The following PLCG2 variants were observed in gnomAD, a reference collection of about 807,000 sequenced individuals.
The protein encoded by PLCG2 is phospholipase C gamma 2.
Under a neutral mutation model 175.6 loss-of-function variants are expected in PLCG2, and 69 were observed. The ratio of observed to expected loss-of-function variants is 0.39; its 90% CI spans 0.32 to 0.48. The LOEUF is 0.48. PLCG2 is among the 20% of genes least tolerant of loss of function. The pLI is 0.91. For missense variants in PLCG2, 1,798 were observed against 1,650.9 expected (o/e 1.09, Z -1.54); for synonymous variants, 827 against 624.0 (o/e 1.33, Z -4.85).
chr16:81,957,051 C>A lies in PLCG2; in HGVS notation c.3755+172C>A, dbSNP rs543348476. Among the ~76,000 whole-genome samples, 11 of 152,096 alleles carry A rather than the reference C, an allele frequency of 7.2e-5. 1 individual carries two copies. In the South Asian group the frequency reaches 1.7e-3, roughly 23 times the overall value. Reference sequence around the variant, plus strand: ...TGGTGGCTCATGCCTGTAATCCCAGCACTTTGGGAGGCTGAGGAGGTTGGA... The same window carrying A: ...TGGTGGCTCATGCCTGTAATCCCAGAACTTTGGGAGGCTGAGGAGGTTGGA... On this transcript the variant is annotated intron_variant, in intron 32 of 32. Transcript: ENST00000564138.
intron 15 of PLCG2, among the ~76,000 whole-genome samples, chr16:81,907,303 G>A (rs543438693): frequency 2.0e-5 from 3 of 151,076 alleles, no homozygotes; most frequent in East Asian, 3.9e-4. Context: ...ATTTCATCGG[G>A]GGAAAAAAAA....
chr16:81,837,821 A>G (rs1905604297), intron 2 of PLCG2, among the ~76,000 whole-genome samples: 1 of 152,060 alleles, frequency 6.6e-6, no homozygotes, highest in Non-Finnish European at 1.5e-5. Context: ...AATTATCCCC[A>G]ATGGTAATAT....
Position 81,957,013 on chromosome 16 carries a change from C to T in PLCG2, c.3755+134C>T, listed in dbSNP as rs553928771. On this transcript the variant is annotated intron_variant, in intron 32 of 32. Transcript: ENST00000564138. ...AAATCCTTGGCCGGGCATGGTGGCTCACAGGCCAGGCATGGTGGCTCATGC... is the reference window on the plus strand; with the variant it reads ...AAATCCTTGGCCGGGCATGGTGGCTTACAGGCCAGGCATGGTGGCTCATGC... The T allele has an allele frequency of 1.1e-3, 614 of 555,814 alleles. 3 individuals are homozygous for T. The East Asian group carries it at 0.015, about 14-fold the overall frequency. The allele number at this position is 555,814 out of a possible 1,614,324, so 34.4% of individuals were successfully genotyped here. A position where few individuals can be genotyped will look rare whatever the true frequency, so the allele number is the denominator to read the frequency against.
intron 9 of PLCG2, among the ~76,000 whole-genome samples, chr16:81,887,374 C>T (rs1908423148): frequency 6.6e-6 from 1 of 152,186 alleles, no homozygotes; most frequent in African/African-American, 2.4e-5. Context: ...CCACCTCGGC[C>T]TCCCAAAGTG....
rs1297246381 is a variant in PLCG2, at chr16:81,782,470, A to C, written c.-48+3046A>C. On this transcript the variant is annotated intron_variant, in intron 1 of 32. Transcript: ENST00000564138. ...TGGCTGGTGCTCTCTCCTGGGCTCA[A>C]GGTCTTGGAGACCTCCCTGCCATAG... Among the ~76,000 whole-genome samples, 6 of 152,302 alleles carry C rather than the reference A, an allele frequency of 3.9e-5. No individual in the cohort carries two copies. The East Asian group carries it at 1.2e-3, about 29-fold the overall frequency.
intron 2 of PLCG2, among the ~76,000 whole-genome samples, chr16:81,800,586 G>T (rs1399896132): frequency 6.6e-6 from 1 of 152,096 alleles, no homozygotes; most frequent in Non-Finnish European, 1.5e-5. Flanking sequence ...TGGTGTATAT[G>T]TACCATATTT....
rs369281824 is a variant in PLCG2 at position 81,900,747 on chromosome 16, G to C, written c.1329G>C (p.Ser443=). 6.2e-7 allele frequency: 1 copy of C among 1,604,596 alleles called. No homozygotes were observed. Among genetic ancestry groups the C allele is most frequent in the Non-Finnish European group, 8.5e-7 (1 of 1,172,086 alleles). The change falls in exon 14 of 33, where the codon TCG becomes TCC. Residue 443 remains serine, a synonymous_variant. Coordinates refer to ENST00000564138, the MANE Select transcript of PLCG2 (RefSeq NM_002661.5). ...AGGCCAGTGCTGACCAGCTGCCCTC[G>C]CCCAGCCAGCTGCGGGAGAAGATCA... ...PTEASADQLP[S]PSQLREKIII... is the part of the protein sequence containing the mutation.
chr16:81,935,590 C>T, intron 26 of PLCG2: 1 of 985,310 alleles, frequency 1.0e-6, no homozygotes, highest in Non-Finnish European at 1.2e-6. Context: ...ACCGGGAGGC[C>T]AGTCCCTAGG....
At chr16:81,868,855 T>C (rs994847103) in intron 5 of PLCG2, among the ~76,000 whole-genome samples, 3 of 152,220 alleles carry the variant, frequency 2.0e-5, no homozygotes, top group African/African-American at 7.2e-5. Context: ...CACCCTATAC[T>C]GGGGATCTCC....
At chr16:81,789,536 A>G (rs1373566684) in intron 2 of PLCG2, among the ~76,000 whole-genome samples, 1 of 152,054 alleles carries the variant, frequency 6.6e-6, no homozygotes, top group Non-Finnish European at 1.5e-5. Flanking sequence ...TGATCCTCCC[A>G]CCTTGGTCTC....
intron 2 of PLCG2, among the ~76,000 whole-genome samples, chr16:81,849,469 C>A (rs1348388145): frequency 6.6e-6 from 1 of 152,112 alleles, no homozygotes; most frequent in Non-Finnish European, 1.5e-5. Flanking sequence ...GTTCAAAGAT[C>A]CCCTCTTGGC....
intron 5 of PLCG2, 191 bp downstream of exon 5, chr16:81,859,354 T>G: frequency 3.7e-6 from 2 of 543,720 alleles, no homozygotes; most frequent in Non-Finnish European, 6.6e-6. Flanking sequence ...GAGCCTCTAT[T>G]CCGCAGAAAA....
In PLCG2 at chr16:81,820,653, C is replaced by T. The variant is rs1179527170; in HGVS notation, c.194-33791C>T. Among the ~76,000 whole-genome samples the T allele has an allele frequency of 3.3e-5, 5 of 151,438 alleles. No individual in the cohort carries two copies. In the East Asian group the frequency reaches 9.7e-4, roughly 29 times the overall value. Reference sequence around the variant, plus strand: ...TTTTTTTTTTTGAGACAGAGTCTCACTCTATTACCCAGGCTGGAGTGCAGT... The same window carrying T: ...TTTTTTTTTTTGAGACAGAGTCTCATTCTATTACCCAGGCTGGAGTGCAGT... On this transcript the variant is annotated intron_variant, in intron 2 of 32. Transcript: ENST00000564138.
chr16:81,941,149 C>T (rs4889444), intron 30 of PLCG2, among the ~76,000 whole-genome samples: 9,782 of 152,262 alleles, frequency 0.064, 365 homozygotes, highest in Non-Finnish European at 0.091. Flanking sequence ...CCTCAACTTC[C>T]ACCTTTTTTT....
At position 81,785,958 on chromosome 16, in the gene PLCG2, C is replaced by T. The variant is rs552409251; in HGVS notation, c.-32C>T. 41 of 1,594,356 alleles carry T rather than the reference C, an allele frequency of 2.6e-5. No homozygotes were observed. The highest frequency in any genetic ancestry group is 2.5e-4 in the East Asian group (11 of 44,612). On this transcript the variant is annotated 5_prime_UTR_variant, in exon 2 of 33. Transcript: ENST00000564138. Reference sequence around the variant, plus strand: ...GCCCTTTCAGCTTCCTGATTTCTCCCGATTCCTTCCTTCTCCCTGGAGCGG... The same window carrying T: ...GCCCTTTCAGCTTCCTGATTTCTCCTGATTCCTTCCTTCTCCCTGGAGCGG...
intron 7 of PLCG2, among the ~76,000 whole-genome samples, chr16:81,874,364 T>G (rs1326554717): frequency 6.6e-6 from 1 of 152,228 alleles, no homozygotes; most frequent in Non-Finnish European, 1.5e-5. Flanking sequence ...CTCCACTGTT[T>G]GAGGGTATAA....
chr16:81,921,224 C>A lies in PLCG2; in HGVS notation c.2262C>A (p.Asp754Glu). ...NMERDINSLY[D>E]VSRMYVDPSE... ...AAAGAGATATAAACTCCCTCTACGA[C>A]GTCAGCAGAATGTATGTGGATCCCA... Residue 754 changes from aspartate (D) to glutamate (E), a missense_variant, in exon 21 of 33, where the codon GAC (aspartate) becomes GAA (glutamate). By Grantham distance (45) the Asp-to-Glu change is conservative (BLOSUM62 2). Transcript: ENST00000564138. 1 of 1,604,390 alleles carries A rather than the reference C, an allele frequency of 6.2e-7. No individual in the cohort carries two copies.
chr16:81,892,477 C>G (rs1428953407), intron 11 of PLCG2, among the ~76,000 whole-genome samples: 1 of 152,052 alleles, frequency 6.6e-6, no homozygotes, highest in Non-Finnish European at 1.5e-5. Context: ...AGGGGGTCAT[C>G]TGGGAAAAGG....
chr16:81,750,912 A>G (rs1240254931), intron 1 of PLCG2, among the ~76,000 whole-genome samples: 1 of 146,664 alleles, frequency 6.8e-6, no homozygotes, highest in African/African-American at 2.5e-5. Context: ...TGACCTCAAG[A>G]TCCACCCACC....
Sources: gnomAD v4.1 joint callset for allele counts (sites outside exome capture counted in the v4.1 genomes callset) on GRCh38, gnomAD v4.1.1 for gene constraint, MANE v1.5 for transcripts, NCBI Gene and HGNC (gene_info 2026-07-23, HGNC 2026-07-21) for gene names.